The following TMEM181 variants were observed in gnomAD, a reference collection of about 807,000 sequenced individuals.
TMEM181 encodes the protein transmembrane protein 181.
In TMEM181, 39 loss-of-function variants were observed where a neutral mutation model predicts 71.9. That is an observed-to-expected ratio of 0.54 (90% CI 0.42 to 0.71). The LOEUF is 0.71. Ranked by LOEUF, TMEM181 falls within the 30% of genes least tolerant of loss-of-function variation. TMEM181 has a pLI of 0.00. For synonymous variants in TMEM181, 245 were observed against 228.8 expected, an observed-to-expected ratio of 1.07 and a Z score of -0.64; for missense variants, 595 against 583.0, an observed-to-expected ratio of 1.02 and a Z score of -0.21.
intron 12 of TMEM181, among the ~76,000 whole-genome samples, chr6:158,625,431 G>A (rs1292604223): frequency 6.6e-6 from 1 of 152,152 alleles, no homozygotes; most frequent in Non-Finnish European, 1.5e-5. Flanking sequence ...CTGCGGGACT[G>A]TACCCTGCAG....
chr6:158,579,022 G>T (rs895290851), intron 2 of TMEM181, among the ~76,000 whole-genome samples: 7 of 152,054 alleles, frequency 4.6e-5, no homozygotes, highest in African/African-American at 1.7e-4. Context: ...ACTTTGGGAG[G>T]CTGAGGCGGG....
intron 1 of TMEM181, among the ~76,000 whole-genome samples, chr6:158,563,531 C>G (rs145138678): frequency 6.6e-6 from 1 of 152,190 alleles, no homozygotes. Context: ...AGCCCAGGTT[C>G]CTAACCACCA....
chr6:158,629,939 C>T, intron 15 of TMEM181, 120 bp downstream of exon 15: 1 of 833,036 alleles, frequency 1.2e-6, no homozygotes. Flanking sequence ...AGTGACTTCT[C>T]TTGGCAGAGA....
chr6:158,624,348 T>A (rs571006710), intron 11 of TMEM181, among the ~76,000 whole-genome samples: 1 of 115,592 alleles, frequency 8.7e-6, no homozygotes, highest in Non-Finnish European at 1.9e-5. Flanking sequence ...AGAAAAATGA[T>A]CCCGATTCCT....
At chr6:158,611,320 G>C (rs538101082) in intron 10 of TMEM181, 1 of 507,846 alleles carries the variant, frequency 2.0e-6, no homozygotes, top group African/African-American at 1.9e-5. Context: ...GGGACACTCT[G>C]CTATGCTTGG....
At chr6:158,609,824 T>C (rs749776242) in intron 10 of TMEM181, 4 of 239,848 alleles carry the variant, frequency 1.7e-5, no homozygotes, top group Non-Finnish European at 3.7e-5. Flanking sequence ...GTGGGCATAC[T>C]GGCAAAGGCT....
intron 1 of TMEM181, among the ~76,000 whole-genome samples, chr6:158,567,726 TAGC>T (rs890264670): frequency 1.1e-4 from 17 of 152,200 alleles, no homozygotes; most frequent in African/African-American, 3.6e-4. Context: ...GTGTTGCACT[TAGC>T]AGCCTTGTGA....
At chr6:158,563,254 C>T (rs1295923862) in intron 1 of TMEM181, among the ~76,000 whole-genome samples, 3 of 152,208 alleles carry the variant, frequency 2.0e-5, no homozygotes, top group East Asian at 3.8e-4. Flanking sequence ...AGCGATTCTC[C>T]TGCCTCAGCC....
At chr6:158,580,434 G>A (rs963568075) in intron 2 of TMEM181, among the ~76,000 whole-genome samples, 3 of 152,108 alleles carry the variant, frequency 2.0e-5, no homozygotes, top group African/African-American at 7.2e-5. Context: ...AAAACTATGA[G>A]GTTCGTATAC....
intron 10 of TMEM181, among the ~76,000 whole-genome samples, chr6:158,615,088 G>A (rs912082144): frequency 6.6e-6 from 1 of 152,200 alleles, no homozygotes; most frequent in Non-Finnish European, 1.5e-5. Flanking sequence ...GGTTGAACTA[G>A]TTTACACTCC....
intron 6 of TMEM181, among the ~76,000 whole-genome samples, chr6:158,594,027 C>T (rs943017157): frequency 2.6e-5 from 4 of 151,854 alleles, no homozygotes; most frequent in Non-Finnish European, 5.9e-5. Context: ...CTTTGTGCTT[C>T]ACCTGTTCAT....
At chr6:158,585,851 T>C (rs1376205677) in intron 5 of TMEM181, among the ~76,000 whole-genome samples, 3 of 152,044 alleles carry the variant, frequency 2.0e-5, no homozygotes, top group African/African-American at 7.2e-5. Context: ...TAGAGACAGG[T>C]TTTTGCTCTG....
At position 158,608,468 on chromosome 6, in the gene TMEM181, G is replaced by A. The variant is rs1785087299; in HGVS notation, c.804+5G>A. The A allele has an allele frequency of 6.2e-7, 1 of 1,614,040 alleles. No homozygotes were observed. On this transcript the variant is annotated splice_donor_5th_base_variant and intron_variant, in intron 9 of 16. Transcript: ENST00000684151. ...TACCACGGGATTCGTGTCCAGGTGA[G>A]CCGGAGCCGCCCTCACTGCCGGGGG...
At chr6:158,616,630 A>G (rs368891830) in intron 10 of TMEM181, among the ~76,000 whole-genome samples, 1 of 152,168 alleles carries the variant, frequency 6.6e-6, no homozygotes, top group Non-Finnish European at 1.5e-5. Context: ...TTTGTCATAA[A>G]TAGCTCTTAT....
At chr6:158,628,734 G>A (rs1377050558) in intron 14 of TMEM181, among the ~76,000 whole-genome samples, 2 of 152,220 alleles carry the variant, frequency 1.3e-5, no homozygotes, top group East Asian at 3.8e-4. Flanking sequence ...GGTTTCGGGT[G>A]GCAGAGCCCG....
At chr6:158,628,318 A>C in intron 13 of TMEM181, 90 bp from the exon 14 acceptor site, 5 of 1,240,616 alleles carry the variant, frequency 4.0e-6, no homozygotes, top group Non-Finnish European at 5.9e-6. Flanking sequence ...ACAGACGGAA[A>C]GCTTGAATGG....
At chr6:158,630,052 T>C (rs1037612808) in intron 15 of TMEM181, among the ~76,000 whole-genome samples, 1 of 152,228 alleles carries the variant, frequency 6.6e-6, no homozygotes, top group African/African-American at 2.4e-5. Context: ...ATTTTATTAG[T>C]GTCAGTCCCC....
At chr6:158,588,293 T>C (rs1232538660) in intron 5 of TMEM181, among the ~76,000 whole-genome samples, 6 of 152,244 alleles carry the variant, frequency 3.9e-5, no homozygotes, top group Admixed American at 2.6e-4. Flanking sequence ...CTGAAGTGTT[T>C]GGTGAGTTGA....
exon 1 of TMEM181, chr6:158,536,836 C>A: frequency 6.5e-7 from 1 of 1,538,314 alleles, no homozygotes. Context: ...AGGAGGACCT[C>A]ACGCCCTTCA....
Sources: gnomAD v4.1 joint callset for allele counts (sites outside exome capture counted in the v4.1 genomes callset) on GRCh38, gnomAD v4.1.1 for gene constraint, MANE v1.5 for transcripts, NCBI Gene and HGNC (gene_info 2026-07-23, HGNC 2026-07-21) for gene names.